Variants in TENM2 observed in about 807,000 individuals in gnomAD.
The protein encoded by TENM2 is teneurin transmembrane protein 2.
A neutral mutation model predicts 245.2 loss-of-function variants in TENM2; 52 were observed. The observed-to-expected ratio is 0.21, with a 90% CI of 0.17 to 0.27. TENM2 has a LOEUF of 0.27. Among genes scored for constraint, TENM2 ranks in the 10% least tolerant of loss-of-function variants. The pLI is 1.00. For synonymous variants in TENM2, 1,363 were observed against 1,438.9 expected, an observed-to-expected ratio of 0.95 and a Z score of 1.19; for missense variants, 3,046 against 3,666.8, an observed-to-expected ratio of 0.83 and a Z score of 4.37.
chr5:168,126,252 T>A (rs1464711380), intron 11 of TENM2, among the ~76,000 whole-genome samples: 1 of 152,158 alleles, frequency 6.6e-6, no homozygotes, highest in Non-Finnish European at 1.5e-5. Flanking sequence ...CTCTTGTGCT[T>A]GGTCAGTTCA....
chr5:167,905,181 T>G (rs371927307), intron 3 of TENM2, among the ~76,000 whole-genome samples: 9 of 152,268 alleles, frequency 5.9e-5, no homozygotes, highest in African/African-American at 1.9e-4. Flanking sequence ...CATAACTGTT[T>G]CCTAGAAACC....
intron 2 of TENM2, among the ~76,000 whole-genome samples, chr5:167,658,232 C>T (rs555050739): frequency 2.7e-5 from 4 of 149,840 alleles, no homozygotes; most frequent in Non-Finnish European, 3.0e-5. Flanking sequence ...TTTTTAAGAC[C>T]GAGTTTCACT....
At chr5:167,010,743 TTC>T in the TENM2 span, among the ~76,000 whole-genome samples, 1 of 152,354 alleles carries the variant, frequency 6.6e-6, no homozygotes, top group African/African-American at 2.4e-5. Flanking sequence ...AAAATTTTAA[TTC>T]TATTTTTTGT....
upstream of TENM2, among the ~76,000 whole-genome samples, chr5:167,284,080 G>C (rs1031161910): frequency 3.9e-5 from 6 of 152,116 alleles, no homozygotes; most frequent in African/African-American, 1.4e-4. Flanking sequence ...CATGTTGGTG[G>C]GTGACTAGGC....
chr5:167,394,125 A>G (rs1367073894), intron 2 of TENM2, among the ~76,000 whole-genome samples: 2 of 152,018 alleles, frequency 1.3e-5, no homozygotes, highest in African/African-American at 2.4e-5. Flanking sequence ...GAAGCTTTTG[A>G]GTTTGAGGTA....
At position 167,909,066 on chromosome 5, in the gene TENM2, CTCT is replaced by C. The variant is rs1294486304; in HGVS notation, c.712+32873_712+32875del. 4.3e-5 allele frequency among the ~76,000 whole-genome samples: 6 copies of C among 139,582 alleles called. 1 individual carries two copies. In the South Asian group the frequency reaches 1.2e-3, roughly 28 times the overall value. The allele number at this position is 139,582 out of a possible 152,430, so 91.6% of individuals were successfully genotyped here. On this transcript the variant is annotated intron_variant, in intron 3 of 28. Coordinates refer to ENST00000518659, the Ensembl canonical transcript of TENM2. ...TTTATATTTTCGTTTTCTTTTCTCT[CTCT>C]TTTTTTTTTTTTTTTAGTAAAAATT... is the stretch of plus-strand genomic sequence containing the variant.
At chr5:167,563,887 T>A (rs1773742124) in intron 2 of TENM2, among the ~76,000 whole-genome samples, 1 of 152,210 alleles carries the variant, frequency 6.6e-6, no homozygotes, top group South Asian at 2.1e-4. Flanking sequence ...AGGTGTGAAG[T>A]AGGGTTTACC....
exon 4 of TENM2, chr5:167,952,606 G>A: frequency 2.5e-6 from 4 of 1,611,448 alleles, no homozygotes; most frequent in Non-Finnish European, 3.4e-6. Flanking sequence ...AACCACCACA[G>A]CCAGTCGACT....
intron 1 of TENM2, chr5:167,309,934 A>T (rs1581713609): frequency 6.6e-6 from 1 of 152,460 alleles, no homozygotes; most frequent in Middle Eastern, 3.4e-3. Context: ...AGATCCAGTT[A>T]GGTTTGCTCT....
chr5:168,234,664 CA>C (rs371417797), intron 25 of TENM2, among the ~76,000 whole-genome samples: 37 of 152,244 alleles, frequency 2.4e-4, no homozygotes, highest in African/African-American at 8.9e-4. Context: ...GAACTGAAAT[CA>C]ACCCCTTCTA....
intron 2 of TENM2, among the ~76,000 whole-genome samples, chr5:167,724,176 A>G (rs1018426610): frequency 2.0e-5 from 3 of 152,232 alleles, no homozygotes; most frequent in Non-Finnish European, 4.4e-5. Flanking sequence ...ACTAGCACAA[A>G]TAGCAAACTT....
chr5:168,046,898 A>T (rs1267923741), intron 5 of TENM2, among the ~76,000 whole-genome samples: 1 of 152,190 alleles, frequency 6.6e-6, no homozygotes, highest in Admixed American at 6.5e-5. Context: ...ACCACTATAG[A>T]TGCTGCTGGC....
At chr5:168,190,044 C>T (rs1760808013) in intron 13 of TENM2, among the ~76,000 whole-genome samples, 1 of 152,134 alleles carries the variant, frequency 6.6e-6, no homozygotes, top group African/African-American at 2.4e-5. Flanking sequence ...AATACGTGTT[C>T]ATAGTAGAAA....
chr5:167,390,410 A>C (rs987635977), intron 2 of TENM2, among the ~76,000 whole-genome samples: 1 of 152,210 alleles, frequency 6.6e-6, no homozygotes, highest in Non-Finnish European at 1.5e-5. Context: ...GACAGTCTGC[A>C]AGGCACCTTG....
At chr5:168,152,987 C>T (rs1293250146) in intron 12 of TENM2, among the ~76,000 whole-genome samples, 1 of 152,158 alleles carries the variant, frequency 6.6e-6, no homozygotes, top group Non-Finnish European at 1.5e-5. Context: ...TTTTACCTGG[C>T]TGTTGAATCA....
chr5:167,945,556 G>A (rs139902109), intron 3 of TENM2, among the ~76,000 whole-genome samples: 6 of 152,304 alleles, frequency 3.9e-5, no homozygotes, highest in African/African-American at 1.4e-4. Flanking sequence ...AGATGTCCCT[G>A]CCGACCCTAG....
At chr5:167,264,105 C>CAAA in the TENM2 span, among the ~76,000 whole-genome samples, 2 of 106,986 alleles carry the variant, frequency 1.9e-5, no homozygotes, top group Non-Finnish European at 2.1e-5. Context: ...AACTCTGTCT[C>CAAA]AAAAAAAAAA....
At chr5:167,709,089 A>T (rs1420491474) in intron 2 of TENM2, among the ~76,000 whole-genome samples, 1 of 152,026 alleles carries the variant, frequency 6.6e-6, no homozygotes, top group Non-Finnish European at 1.5e-5. Context: ...AGTCACAGAA[A>T]CTATGCCAGA....
chr5:167,125,848 A>G, the TENM2 span, among the ~76,000 whole-genome samples: 1 of 152,186 alleles, frequency 6.6e-6, no homozygotes, highest in Admixed American at 6.5e-5. Flanking sequence ...ACTTATGGTA[A>G]CTAAAATGGC....
Sources: allele counts gnomAD v4.1 joint callset (sites outside exome capture counted in the v4.1 genomes callset), GRCh38; gene constraint gnomAD v4.1.1; transcripts MANE v1.5; gene names NCBI Gene and HGNC (gene_info 2026-07-23, HGNC 2026-07-21).